Variants in IFT74 observed in about 807,000 individuals in gnomAD.
The protein encoded by IFT74 is intraflagellar transport protein 74 homolog.
IFT74 carries 92 observed loss-of-function variants against 96.7 expected under a neutral mutation model. The ratio of observed to expected loss-of-function variants is 0.95; its 90% CI spans 0.80 to 1.13. IFT74 has a LOEUF of 1.13. Ranked by LOEUF, IFT74 falls within the 50% of genes most tolerant of loss-of-function variation. IFT74 has a pLI of 0.00. For synonymous variants in IFT74, 223 were observed against 213.2 expected (o/e 1.05, Z -0.40); for missense variants, 811 against 698.2 (o/e 1.16, Z -1.82).
intron 2 of IFT74, among the ~76,000 whole-genome samples, chr9:26,971,445 A>G (rs890176530): frequency 6.6e-6 from 1 of 152,146 alleles, no homozygotes. Context: ...GACCTCCCTC[A>G]TGAGAGGTTT....
At chr9:27,018,994 C>T (rs1829476867) in intron 12 of IFT74, among the ~76,000 whole-genome samples, 1 of 152,034 alleles carries the variant, frequency 6.6e-6, no homozygotes, top group African/African-American at 2.4e-5. Flanking sequence ...CTTTTTGAGA[C>T]CAGGTCTCAT....
chr9:27,026,904 A>G (rs1409336691), intron 12 of IFT74, among the ~76,000 whole-genome samples: 1 of 152,166 alleles, frequency 6.6e-6, no homozygotes, highest in Non-Finnish European at 1.5e-5. Context: ...CTAACGTTAC[A>G]CCTCAAGGAA....
chr9:26,970,480 A>G (rs1049799380), intron 2 of IFT74, among the ~76,000 whole-genome samples: 3 of 152,210 alleles, frequency 2.0e-5, no homozygotes, highest in African/African-American at 7.2e-5. Context: ...AAGTGAATAC[A>G]TATACATCCA....
chr9:27,013,630 T>A (rs562529748), intron 10 of IFT74, among the ~76,000 whole-genome samples: 1 of 152,368 alleles, frequency 6.6e-6, no homozygotes, highest in East Asian at 1.9e-4. Flanking sequence ...TTATTTGAAT[T>A]TTCATTTATT....
At chr9:27,040,355 A>C (rs1819416372) in intron 13 of IFT74, among the ~76,000 whole-genome samples, 1 of 151,958 alleles carries the variant, frequency 6.6e-6, no homozygotes, top group African/African-American at 2.4e-5. Context: ...GTTCAAGACC[A>C]TCCTGGCCAA....
At chr9:27,040,311 G>A (rs1376443722) in intron 13 of IFT74, among the ~76,000 whole-genome samples, 1 of 152,126 alleles carries the variant, frequency 6.6e-6, no homozygotes, top group East Asian at 1.9e-4. Flanking sequence ...AGCACTCTGG[G>A]AGGCTGAAGT....
exon 1 of IFT74, chr9:26,947,140 C>T (rs1299337221): frequency 1.5e-6 from 2 of 1,366,710 alleles, no homozygotes; most frequent in African/African-American, 1.5e-5. Context: ...GGGAGAAGAG[C>T]CTGCAGGTAA....
chr9:27,062,919 G>A lies in IFT74; in HGVS notation c.*183G>A. ...TAGTAAATAGTTCAATAAATGGTTT[G>A]CATATTAAAAAGTACCATCTTCTTT... On this transcript the variant is annotated 3_prime_UTR_variant, in exon 20 of 20. Transcript: ENST00000380062. 1 of 489,166 alleles carries A rather than the reference G, an allele frequency of 2.0e-6. No individual in the cohort carries two copies. Among genetic ancestry groups the A allele is most frequent in the Non-Finnish European group, 3.6e-6 (1 of 279,650 alleles). 30.3% of individuals were successfully genotyped at this position (489,166 alleles called of 1,614,324 possible). A position where few individuals can be genotyped will look rare whatever the true frequency, so the allele number is the denominator to read the frequency against.
chr9:27,048,303 C>A (rs779822336), intron 16 of IFT74, 29 bp downstream of exon 16: 3 of 1,457,084 alleles, frequency 2.1e-6, no homozygotes, highest in East Asian at 2.4e-5. Flanking sequence ...TTTTAATATT[C>A]TTTTTTTTTA....
intron 9 of IFT74, among the ~76,000 whole-genome samples, chr9:27,009,633 C>T (rs1426046858): frequency 6.6e-6 from 1 of 151,744 alleles, no homozygotes; most frequent in African/African-American, 2.4e-5. Flanking sequence ...GATTGCACCA[C>T]TGCATTCCAG....
intron 12 of IFT74, among the ~76,000 whole-genome samples, chr9:27,020,543 C>T (rs1370078506): frequency 6.7e-6 from 1 of 149,304 alleles, no homozygotes; most frequent in African/African-American, 2.5e-5. Flanking sequence ...AGCCCAATCT[C>T]GGCTCACTGC....
intron 12 of IFT74, among the ~76,000 whole-genome samples, chr9:27,020,310 C>T (rs1829538567): frequency 6.6e-6 from 1 of 151,702 alleles, no homozygotes; most frequent in African/African-American, 2.4e-5. Context: ...AATTGCAGCC[C>T]GTGTCAAGTG....
chr9:26,953,216 G>A (rs1563928678), upstream of IFT74, among the ~76,000 whole-genome samples: 1 of 152,078 alleles, frequency 6.6e-6, no homozygotes, highest in Non-Finnish European at 1.5e-5. Flanking sequence ...AATGCCTTCA[G>A]GTTAAAATAA....
rs1164774158 is a variant in IFT74 at position 27,065,462 on chromosome 9, T to TAGATC, written c.*2726_*2727insAGATC. Among the ~76,000 whole-genome samples, 1 of 152,194 alleles carries TAGATC rather than the reference T, an allele frequency of 6.6e-6. No homozygotes were observed. ...CAGACTGAACAAACATGCTGAGCAG[T>TAGATC]TTTACTAGTGAAGATCAACATGGGA... On this transcript the variant is annotated 3_prime_UTR_variant, in exon 20 of 20. Transcript: ENST00000380062.
intron 4 of IFT74, among the ~76,000 whole-genome samples, chr9:26,981,153 A>G (rs1202272204): frequency 6.6e-6 from 1 of 152,186 alleles, no homozygotes; most frequent in Non-Finnish European, 1.5e-5. Context: ...ATTACTTCTT[A>G]AAGTCCCTAC....
chr9:27,028,335 T>C (rs1445972417), intron 12 of IFT74, among the ~76,000 whole-genome samples: 1 of 152,222 alleles, frequency 6.6e-6, no homozygotes, highest in Non-Finnish European at 1.5e-5. Flanking sequence ...CTACAAAAAG[T>C]ATTGTTAAAT....
intron 13 of IFT74, among the ~76,000 whole-genome samples, chr9:27,037,243 T>G (rs555266299): frequency 1.2e-4 from 17 of 147,446 alleles, no homozygotes; most frequent in Non-Finnish European, 2.4e-4. Context: ...AAAAAAAGCT[T>G]GCAGAGACTA....
rs193120853 is a variant in IFT74 at position 27,060,641 on chromosome 9, G to A, written c.1674G>A (p.Ala558=). ...AACACCTTGAGCAAAATAATTTTGC[G>A]ATGAAAGAATGTATCCTTTAAAAAG... The part of the protein sequence containing the change: ...KWQHLEQNNF[A]MKEFIATKSQ... The change falls in exon 19 of 20, where the codon GCG becomes GCA. Residue 558 remains alanine, a synonymous_variant. Transcript: ENST00000380062. 7 of 1,599,300 alleles carry A rather than the reference G, an allele frequency of 4.4e-6. No individual in the cohort carries two copies. Among genetic ancestry groups the A allele is most frequent in the South Asian group, 1.1e-5 (1 of 89,392 alleles).
In IFT74 at chr9:27,062,750, G is replaced by T; in HGVS notation, c.*14G>T. On this transcript the variant is annotated 3_prime_UTR_variant, in exon 20 of 20. Transcript: ENST00000380062. ...AGCGGAAACTGAGTTTAAGTCCACTGAAAGTCTCTAAGGAAGTATCCTCTT... is the reference window on the plus strand; with the variant it reads ...AGCGGAAACTGAGTTTAAGTCCACTTAAAGTCTCTAAGGAAGTATCCTCTT... 7.4e-7 allele frequency: 1 copy of T among 1,346,004 alleles called. No homozygotes were observed. The highest frequency in any genetic ancestry group is 1.1e-6 in the Non-Finnish European group (1 of 946,296). The allele number at this position is 1,346,004 out of a possible 1,614,324, so 83.4% of individuals were successfully genotyped here. A position where few individuals can be genotyped will look rare whatever the true frequency, so the allele number is the denominator to read the frequency against.
Sources: gnomAD v4.1 joint callset for allele counts (sites outside exome capture counted in the v4.1 genomes callset) on GRCh38, gnomAD v4.1.1 for gene constraint, MANE v1.5 for transcripts, NCBI Gene and HGNC (gene_info 2026-07-23, HGNC 2026-07-21) for gene names.